The following SORCS2 variants were observed in gnomAD, a reference collection of about 807,000 sequenced individuals.
SORCS2 encodes VPS10 domain-containing receptor SorCS2.
Under a neutral mutation model 141.6 loss-of-function variants are expected in SORCS2, and 100 were observed. The ratio of observed to expected loss-of-function variants is 0.71; its 90% CI spans 0.60 to 0.83. SORCS2 has a LOEUF of 0.83. SORCS2 is among the 40% of genes least tolerant of loss of function. The probability of loss-of-function intolerance (pLI) is 0.00; values close to 1 mark genes in which losing one functional copy is unlikely to be tolerated. For synonymous variants in SORCS2, 789 were observed against 676.9 expected (o/e 1.17, Z -2.57); for missense variants, 1,646 against 1,560.2 (o/e 1.05, Z -0.93).
At chr4:7,365,407 C>A (rs1273029577) in intron 1 of SORCS2, among the ~76,000 whole-genome samples, 1 of 151,932 alleles carries the variant, frequency 6.6e-6, no homozygotes, top group African/African-American at 2.4e-5. Context: ...TTTGGGGCAC[C>A]AGGAGGGTTG....
At chr4:7,728,514 C>T (rs549292695) in intron 22 of SORCS2, 52 bp downstream of exon 22, 3 of 1,390,032 alleles carry the variant, frequency 2.2e-6, no homozygotes, top group African/African-American at 2.9e-5. Context: ...TTCCGGCATC[C>T]AGAGAAGCCC....
intron 1 of SORCS2, among the ~76,000 whole-genome samples, chr4:7,245,653 T>C (rs1010665472): frequency 2.0e-5 from 3 of 152,128 alleles, no homozygotes; most frequent in Non-Finnish European, 4.4e-5. Context: ...CCATTGCTAT[T>C]GGTGGTGGTG....
chr4:7,249,166 G>A (rs1713316992), intron 1 of SORCS2, among the ~76,000 whole-genome samples: 1 of 152,190 alleles, frequency 6.6e-6, no homozygotes, highest in African/African-American at 2.4e-5. Context: ...TGTTCAGATG[G>A]TGGCTGGGAC....
At chr4:7,196,653 C>T (rs1360326094) in intron 1 of SORCS2, among the ~76,000 whole-genome samples, 1 of 150,090 alleles carries the variant, frequency 6.7e-6, no homozygotes, top group Non-Finnish European at 1.5e-5. Context: ...TCCCTCCCCT[C>T]CCTCTGCCCA....
At chr4:7,276,628 A>G (rs1715519236) in intron 1 of SORCS2, among the ~76,000 whole-genome samples, 1 of 152,174 alleles carries the variant, frequency 6.6e-6, no homozygotes, top group South Asian at 2.1e-4. Context: ...CTTGGCCTAC[A>G]GCACTTTGCA....
At chr4:7,434,688 G>T (rs202190989) in intron 2 of SORCS2, 4 of 1,612,660 alleles carry the variant, frequency 2.5e-6, no homozygotes, top group Admixed American at 1.7e-5. Context: ...GGCATACGTC[G>T]CAGGGCAGAG....
Position 7,667,167 on chromosome 4 carries a change from G to A in SORCS2, c.1115G>A (p.Arg372Gln), listed in dbSNP as rs1401426205. Reference sequence around the variant, plus strand: ...ACAAAATACTACGTCTCTTATCGTCGAAATGAATTTGTCCTGATGAAGCTG... The same window carrying A: ...ACAAAATACTACGTCTCTTATCGTCAAAATGAATTTGTCCTGATGAAGCTG... ...NQTKYYVSYR[R>Q]NEFVLMKLPK... Residue 372 changes from arginine (R) to glutamine (Q), a missense_variant, in exon 8 of 27, where the codon CGA becomes CAA. Coordinates refer to ENST00000507866, the MANE Select transcript of SORCS2 (RefSeq NM_020777.3). 8.1e-6 allele frequency: 13 copies of A among 1,613,766 alleles called. No homozygotes were observed. Among genetic ancestry groups the A allele is most frequent in the Middle Eastern group, 1.7e-4 (1 of 6,060 alleles).
intron 1 of SORCS2, among the ~76,000 whole-genome samples, chr4:7,338,719 T>C (rs1356389715): frequency 6.6e-6 from 1 of 152,240 alleles, no homozygotes; most frequent in Admixed American, 6.5e-5. Flanking sequence ...TAAAAATTAA[T>C]TTAAAAGTAT....
At chr4:7,319,243 A>C (rs1718750638) in intron 1 of SORCS2, among the ~76,000 whole-genome samples, 1 of 152,148 alleles carries the variant, frequency 6.6e-6, no homozygotes, top group African/African-American at 2.4e-5. Context: ...AAGAGCTATA[A>C]ATAATATTAT....
intron 1 of SORCS2, among the ~76,000 whole-genome samples, chr4:7,269,553 A>G (rs191851329): frequency 7.3e-4 from 111 of 152,328 alleles, no homozygotes; most frequent in Middle Eastern, 3.4e-3. Context: ...GAGGGAAAGG[A>G]AAGGGAGCTT....
intron 1 of SORCS2, among the ~76,000 whole-genome samples, chr4:7,284,735 C>T (rs1200796860): frequency 1.3e-5 from 2 of 152,194 alleles, no homozygotes; most frequent in Non-Finnish European, 2.9e-5. Context: ...CCCACCATAA[C>T]AAATTGCTAC....
intron 2 of SORCS2, among the ~76,000 whole-genome samples, chr4:7,413,218 G>A (rs539886892): frequency 7.9e-5 from 12 of 152,022 alleles, no homozygotes; most frequent in East Asian, 1.9e-4. Context: ...TAAACACGGC[G>A]TAAAAACAAT....
chr4:7,667,092 C>A (rs138335378), intron 7 of SORCS2, 32 bp from the exon 8 acceptor site: 25 of 1,571,846 alleles, frequency 1.6e-5, no homozygotes, highest in Admixed American at 1.3e-4. Context: ...GGGAATCAAG[C>A]CTCTCAAAAA....
intron 3 of SORCS2, among the ~76,000 whole-genome samples, chr4:7,588,787 A>G (rs751507341): frequency 1.3e-5 from 2 of 152,200 alleles, no homozygotes; most frequent in Non-Finnish European, 2.9e-5. Context: ...TGCATTCACA[A>G]TACAGTGCAG....
intron 3 of SORCS2, among the ~76,000 whole-genome samples, chr4:7,631,460 T>C (rs141682752): frequency 6.6e-6 from 1 of 151,826 alleles, no homozygotes; most frequent in Non-Finnish European, 1.5e-5. Flanking sequence ...TGGGGCATCT[T>C]TTTGCACAGT....
At chr4:7,723,924 T>TGA in intron 19 of SORCS2, 41 bp downstream of exon 19, 1 of 1,533,186 alleles carries the variant, frequency 6.5e-7, no homozygotes, top group Non-Finnish European at 8.7e-7. Flanking sequence ...TCACTCCCTT[T>TGA]GAGAGAGAGA....
At chr4:7,416,465 G>A (rs1372516595) in intron 2 of SORCS2, among the ~76,000 whole-genome samples, 2 of 152,094 alleles carry the variant, frequency 1.3e-5, no homozygotes, top group African/African-American at 4.8e-5. Flanking sequence ...CCCTGTGTAC[G>A]GTGCATACAC....
Position 7,675,933 on chromosome 4 carries a change from T to C in SORCS2, c.1162-117T>C, listed in dbSNP as rs1014635932. 2.0e-5 allele frequency: 24 copies of C among 1,209,346 alleles called. No individual in the cohort carries two copies. In the African/African-American group the frequency reaches 2.3e-4, roughly 11 times the overall value. The allele number at this position is 1,209,346 out of a possible 1,614,324, so 74.9% of individuals were successfully genotyped here. A position where few individuals can be genotyped will look rare whatever the true frequency, so the allele number is the denominator to read the frequency against. ...GCCAGGAGGCAAACCTAGGCCAGGC[T>C]GGCTCCAGGAGAGCCAGGGGTCTTC... On this transcript the variant is annotated intron_variant, in intron 8 of 26. Transcript: ENST00000507866.
chr4:7,281,275 T>C (rs1715858573), intron 1 of SORCS2, among the ~76,000 whole-genome samples: 1 of 152,030 alleles, frequency 6.6e-6, no homozygotes, highest in Non-Finnish European at 1.5e-5. Flanking sequence ...AATCATTCTC[T>C]CTCGGGGGGA....
Sources: allele counts gnomAD v4.1 joint callset (sites outside exome capture counted in the v4.1 genomes callset), GRCh38; gene constraint gnomAD v4.1.1; transcripts MANE v1.5; gene names NCBI Gene and HGNC (gene_info 2026-07-23, HGNC 2026-07-21).